Variants in ANXA1 observed in about 807,000 individuals in gnomAD.
ANXA1 encodes the protein annexin I (lipocortin I).
Under a neutral mutation model 47.9 loss-of-function variants are expected in ANXA1, and 39 were observed. The ratio of observed to expected loss-of-function variants is 0.81; its 90% CI spans 0.63 to 1.06. ANXA1 has a LOEUF of 1.06. Ranked by LOEUF, ANXA1 falls within the 50% of genes least tolerant of loss-of-function variation. ANXA1 has a pLI of 0.00. For synonymous variants in ANXA1, 146 were observed against 142.5 expected (o/e 1.02, Z -0.17); for missense variants, 446 against 422.7 (o/e 1.06, Z -0.48).
At chr9:73,167,582 T>C (rs760215149) in intron 11 of ANXA1, 27 bp downstream of exon 11, 4 of 1,586,738 alleles carry the variant, frequency 2.5e-6, no homozygotes, top group African/African-American at 1.4e-5. Context: ...TTATATGTCC[T>C]GCTTAGAGGA....
At position 73,160,718 on chromosome 9, in the gene ANXA1, C is replaced by T. The variant is rs987453612; in HGVS notation, c.385-85C>T. 1.0e-5 allele frequency: 10 copies of T among 977,512 alleles called. No individual in the cohort carries two copies. In the African/African-American group the frequency reaches 1.6e-4, roughly 16 times the overall value. 60.6% of individuals were successfully genotyped at this position (977,512 alleles called of 1,614,324 possible). On this transcript the variant is annotated intron_variant, in intron 5 of 12. Transcript: ENST00000257497. ...AAATTTACTAAATGACAGAGTCAAA[C>T]AAATTTTGGAACACCAAAAACTCAT...
chr9:73,165,244 T>A (rs774783129), intron 9 of ANXA1, 35 bp downstream of exon 9: 1 of 1,550,062 alleles, frequency 6.5e-7, no homozygotes, highest in South Asian at 1.2e-5. Flanking sequence ...AATCTGTTTA[T>A]GGAAGATGCA....
intron 9 of ANXA1, among the ~76,000 whole-genome samples, chr9:73,165,770 T>A (rs1332665152): frequency 6.6e-6 from 1 of 152,052 alleles, no homozygotes; most frequent in Non-Finnish European, 1.5e-5. Context: ...AGTGCACAGG[T>A]CTTTATATAA....
intron 5 of ANXA1, 145 bp downstream of exon 5, chr9:73,160,521 G>A: frequency 3.4e-6 from 2 of 580,668 alleles, no homozygotes; most frequent in Admixed American, 3.6e-5. Context: ...CCTCAATGAA[G>A]GAATTAATAT....
intron 7 of ANXA1, 95 bp downstream of exon 7, chr9:73,162,956 G>A (rs1413905552): frequency 3.9e-6 from 4 of 1,018,374 alleles, no homozygotes; most frequent in Admixed American, 2.5e-5. Context: ...CTGAGGCTAG[G>A]TAATTTTTAA....
At chr9:73,156,861 C>A (rs1398071770) in intron 1 of ANXA1, among the ~76,000 whole-genome samples, 1 of 151,596 alleles carries the variant, frequency 6.6e-6, no homozygotes, top group Non-Finnish European at 1.5e-5. Context: ...CAGTGTAGAC[C>A]TTGAGCAAGG....
intron 3 of ANXA1, 132 bp from the exon 4 acceptor site, chr9:73,159,197 T>A (rs1274495137): frequency 2.2e-5 from 16 of 724,092 alleles, no homozygotes; most frequent in Non-Finnish European, 3.0e-5. Flanking sequence ...CATCGATTTT[T>A]TAGGCTGATA....
At chr9:73,160,080 A>G (rs908372634) in intron 4 of ANXA1, among the ~76,000 whole-genome samples, 183 bp from the exon 5 acceptor site, 5 of 152,146 alleles carry the variant, frequency 3.3e-5, no homozygotes, top group African/African-American at 9.7e-5. Flanking sequence ...ATCCCTCTAG[A>G]TCTGGAAGGG....
At chr9:73,166,042 G>C (rs1352210294) in intron 9 of ANXA1, 55 bp from the exon 10 acceptor site, 1 of 1,407,598 alleles carries the variant, frequency 7.1e-7, no homozygotes, top group African/African-American at 1.4e-5. Flanking sequence ...TTTTGCTAAA[G>C]CTTTCTAAAG....
chr9:73,165,973 C>T, intron 9 of ANXA1, 124 bp from the exon 10 acceptor site: 1 of 629,984 alleles, frequency 1.6e-6, no homozygotes, highest in Non-Finnish European at 2.7e-6. Flanking sequence ...GGGTATATTG[C>T]TTTAAAAGGT....
intron 1 of ANXA1, among the ~76,000 whole-genome samples, chr9:73,156,146 A>AAT (rs376200296): frequency 0.044 from 6,492 of 146,312 alleles, 161 homozygotes; most frequent in Admixed American, 0.061. Flanking sequence ...AATAATAAAT[A>AAT]ATATAAATAA....
At chr9:73,156,121 T>TA (rs67111842) in intron 1 of ANXA1, among the ~76,000 whole-genome samples, 77,410 of 139,626 alleles carry the variant, frequency 0.55, 21,702 homozygotes, top group Non-Finnish European at 0.63. Flanking sequence ...ATAATAATAA[T>TA]AATAAATAAA....
chr9:73,158,727 A>G lies in ANXA1; in HGVS notation c.99A>G (p.Gly33=), dbSNP rs199772708. ...QTVKSSKGGP[G]SAVSPYPTFN... ...TGAAGTCATCCAAAGGTGGTCCCGG[A>G]TCAGCGGTGAGCCCCTATCCTACCT... Residue 33 remains glycine, a synonymous_variant, in exon 3 of 13, where the codon GGA becomes GGG. Transcript: ENST00000257497. 1.9e-6 allele frequency: 3 copies of G among 1,613,906 alleles called. No individual in the cohort carries two copies. In the South Asian group the frequency reaches 3.3e-5, roughly 18 times the overall value.
intron 6 of ANXA1, among the ~76,000 whole-genome samples, chr9:73,161,644 G>C (rs903247124): frequency 1.3e-5 from 2 of 151,884 alleles, no homozygotes; most frequent in Admixed American, 6.6e-5. Flanking sequence ...GAATACAATA[G>C]CTTTTGCATA....
chr9:73,159,314 G>C lies in ANXA1; in HGVS notation c.176-15G>C. ...AGAAAATTGGTGTTAAAGGCTGTTG[G>C]CCCTTTATTTCCAGGTGTGGATGAA... is the stretch of plus-strand genomic sequence containing the variant. On this transcript the variant is annotated splice_polypyrimidine_tract_variant and intron_variant, in intron 3 of 12. Coordinates refer to ENST00000257497, the MANE Select transcript of ANXA1 (RefSeq NM_000700.3). 6.2e-7 allele frequency: 1 copy of C among 1,607,498 alleles called. No homozygotes were observed. Among genetic ancestry groups the C allele is most frequent in the Non-Finnish European group, 8.5e-7 (1 of 1,174,538 alleles).
intron 1 of ANXA1, among the ~76,000 whole-genome samples, chr9:73,152,708 G>A (rs1365109594): frequency 1.3e-5 from 2 of 152,130 alleles, no homozygotes; most frequent in Non-Finnish European, 2.9e-5. Context: ...CCACTTGATT[G>A]TTGCATGAGC....
At chr9:73,158,824 A>T in intron 3 of ANXA1, 21 bp downstream of exon 3, 1 of 1,584,262 alleles carries the variant, frequency 6.3e-7, no homozygotes, top group Non-Finnish European at 8.7e-7. Flanking sequence ...TCCTCAAAAC[A>T]GTTCCCTCCT....
intron 4 of ANXA1, 86 bp downstream of exon 4, chr9:73,159,509 T>A: frequency 8.7e-7 from 1 of 1,153,176 alleles, no homozygotes; most frequent in Non-Finnish European, 1.3e-6. Flanking sequence ...CCTAGTTCTT[T>A]AAGGTTCTAA....
At chr9:73,169,891 T>C (rs1824294284) in intron 12 of ANXA1, among the ~76,000 whole-genome samples, 160 bp from the exon 13 acceptor site, 1 of 152,150 alleles carries the variant, frequency 6.6e-6, no homozygotes, top group South Asian at 2.1e-4. Flanking sequence ...TATGCAATGA[T>C]AAAAAATCAG....
Sources: allele counts gnomAD v4.1 joint callset (sites outside exome capture counted in the v4.1 genomes callset), GRCh38; gene constraint gnomAD v4.1.1; transcripts MANE v1.5; gene names NCBI Gene and HGNC (gene_info 2026-07-23, HGNC 2026-07-21).